Variants in JAK1 observed in about 807,000 individuals in gnomAD.
The protein encoded by JAK1 is Janus kinase 1.
In JAK1, 16 loss-of-function variants were observed where a neutral mutation model predicts 136.6. The observed-to-expected ratio is 0.12, with a 90% CI of 0.08 to 0.18. The LOEUF is 0.18. Ranked by LOEUF, JAK1 falls within the 10% of genes least tolerant of loss-of-function variation. The pLI is 1.00. For synonymous variants in JAK1, 492 were observed against 519.5 expected, an observed-to-expected ratio of 0.95 and a Z score of 0.72; for missense variants, 859 against 1,450.1, an observed-to-expected ratio of 0.59 and a Z score of 6.62.
intron 5 of JAK1, 84 bp downstream of exon 5, chr1:64,873,286 G>A (rs1657185311): frequency 4.6e-6 from 7 of 1,531,682 alleles, no homozygotes; most frequent in South Asian, 1.2e-5. Flanking sequence ...GCACCACCAA[G>A]TTCAGCTGCA....
At chr1:64,879,252 A>G (rs1644731858) in intron 3 of JAK1, 104 bp from the exon 4 acceptor site, 3 of 1,371,400 alleles carry the variant, frequency 2.2e-6, no homozygotes, top group Non-Finnish European at 3.0e-6. Context: ...CTCATCCACA[A>G]AGAATCTGGG....
intron 1 of JAK1, among the ~76,000 whole-genome samples, chr1:64,913,142 G>A (rs1163992382): frequency 1.3e-5 from 2 of 152,040 alleles, no homozygotes; most frequent in Non-Finnish European, 2.9e-5. Context: ...CCACCTCAAC[G>A]TCCAGAATAG....
At position 64,845,578 on chromosome 1, in the gene JAK1, C is replaced by T. The variant is rs1655177707; in HGVS notation, c.2050G>A (p.Asp684Asn). ...AATTTCCATGGTGTGGTAAGGACAT[C>T]GCTTTTCCGGTGCATGAAGAGATCC... is the stretch of plus-strand genomic sequence containing the variant. Reference protein sequence around the residue: ...PLDLFMHRKSDVLTTPWKFKV... With the variant: ...PLDLFMHRKSNVLTTPWKFKV... The change falls in exon 15 of 25, where the codon GAT becomes AAT. Residue 684 changes from aspartate to asparagine, a missense_variant. Asp to Asn is a conservative substitution (Grantham distance 23). Transcript: ENST00000342505. The T allele has an allele frequency of 1.9e-6, 3 of 1,614,134 alleles. No individual in the cohort carries two copies. Among genetic ancestry groups the T allele is most frequent in the Non-Finnish European group, 2.5e-6 (3 of 1,180,004 alleles).
chr1:65,053,946 C>T (rs1419831472), intron 1 of JAK1, among the ~76,000 whole-genome samples: 3 of 152,196 alleles, frequency 2.0e-5, no homozygotes, highest in African/African-American at 7.2e-5. Context: ...GCAAGAACAA[C>T]AGCTAGCTGT....
chr1:64,879,277 T>C, intron 3 of JAK1, 129 bp from the exon 4 acceptor site: 2 of 1,078,692 alleles, frequency 1.9e-6, no homozygotes, highest in Non-Finnish European at 2.6e-6. Context: ...TCATATCCTC[T>C]TAGGGCAAAC....
At chr1:65,041,801 G>A (rs559564700) in intron 2 of JAK1, among the ~76,000 whole-genome samples, 1 of 152,354 alleles carries the variant, frequency 6.6e-6, no homozygotes, top group East Asian at 1.9e-4. Context: ...CACTTTGGGA[G>A]GCCAAGGTGG....
chr1:64,848,908 C>T (rs1246319865), intron 12 of JAK1, among the ~76,000 whole-genome samples: 1 of 152,238 alleles, frequency 6.6e-6, no homozygotes, highest in Non-Finnish European at 1.5e-5. Context: ...AATGGCGATG[C>T]ATCCACCCTG....
intron 1 of JAK1, among the ~76,000 whole-genome samples, chr1:64,904,540 C>A (rs947331038): frequency 2.6e-5 from 4 of 152,076 alleles, no homozygotes; most frequent in African/African-American, 9.7e-5. Flanking sequence ...ATCATCAGAC[C>A]AAGGCACTTC....
chr1:64,970,035 C>T (rs924936626), upstream of JAK1, among the ~76,000 whole-genome samples: 3 of 144,124 alleles, frequency 2.1e-5, no homozygotes, highest in East Asian at 2.1e-4. Flanking sequence ...ACTCAGGAGT[C>T]GAGGTGGAAG....
intron 2 of JAK1, among the ~76,000 whole-genome samples, chr1:65,038,616 A>T (rs1647099227): frequency 6.6e-6 from 1 of 152,030 alleles, no homozygotes; most frequent in Non-Finnish European, 1.5e-5. Context: ...CTTTTATGTC[A>T]AACCTCCCCA....
At chr1:64,838,873 C>T (rs548809506) in intron 20 of JAK1, among the ~76,000 whole-genome samples, 55 of 152,152 alleles carry the variant, frequency 3.6e-4, no homozygotes, top group South Asian at 8.3e-4. Flanking sequence ...GGGCTGGGCG[C>T]GGTGGCTCAC....
chr1:65,017,276 C>T (rs1291827628), intron 2 of JAK1, among the ~76,000 whole-genome samples: 1 of 152,088 alleles, frequency 6.6e-6, no homozygotes, highest in Non-Finnish European at 1.5e-5. Flanking sequence ...TGAGACCAGC[C>T]TAGCCAACAT....
In JAK1 at chr1:64,984,012, C is replaced by T. The variant is rs79264695; in HGVS notation, c.-78+60468G>A. Among the ~76,000 whole-genome samples, 143 of 152,232 alleles carry T rather than the reference C, an allele frequency of 9.4e-4. 3 individuals carry two copies. In the Middle Eastern group the frequency reaches 0.01, roughly 11 times the overall value. ...TAAATTCTCCTTATTGCACCTTAAC[C>T]GCTCCAGCATCAAATCTTCTACTCT... On this transcript the variant is annotated intron_variant, in intron 2 of 25. Transcript: ENST00000671954. This position sits in a 1 kb window ranked among gnomAD's most constrained non-coding sequence, Gnocchi z 4.1.
At chr1:65,018,925 G>C (rs981955684) in intron 2 of JAK1, among the ~76,000 whole-genome samples, 3 of 152,054 alleles carry the variant, frequency 2.0e-5, no homozygotes, top group Admixed American at 6.6e-5. Context: ...GCAGGAGAAC[G>C]GGGTGAACCC....
Position 65,040,323 on chromosome 1 carries a change from C to A in JAK1, c.-78+4157G>T, listed in dbSNP as rs114480598. 8.0e-3 allele frequency among the ~76,000 whole-genome samples: 1,221 copies of A among 152,206 alleles called. 13 individuals carry two copies. Among genetic ancestry groups the A allele is most frequent in the African/African-American group, 0.028 (1,150 of 41,540 alleles). On this transcript the variant is annotated intron_variant, in intron 2 of 25. Coordinates refer to the JAK1 transcript ENST00000671954. ...CTCTGGAAAGAATCTGTTCCTTGACCTTTCTATCGTCTAGAGGCCACCTGC... is the reference window on the plus strand; with the variant it reads ...CTCTGGAAAGAATCTGTTCCTTGACATTTCTATCGTCTAGAGGCCACCTGC...
intron 1 of JAK1, among the ~76,000 whole-genome samples, chr1:65,053,053 A>AAAAG (rs1647361687): frequency 1.5e-5 from 2 of 133,716 alleles, no homozygotes; most frequent in African/African-American, 5.7e-5. Flanking sequence ...AAAAAAAAAA[A>AAAAG]AAAGACTAGA....
intron 2 of JAK1, among the ~76,000 whole-genome samples, chr1:65,009,423 TTATGAC>T (rs1646831196): frequency 6.6e-6 from 1 of 152,214 alleles, no homozygotes; most frequent in Admixed American, 6.6e-5. Context: ...CATTTACATT[TTATGAC>T]ATATGTTACA....
chr1:64,985,801 G>A (rs1646593260), intron 2 of JAK1: 2 of 633,316 alleles, frequency 3.2e-6, no homozygotes, highest in Admixed American at 2.5e-5. Context: ...GCAGCCAACA[G>A]GTTGACAGTA....
At chr1:65,055,571 T>A (rs749752298) in intron 1 of JAK1, among the ~76,000 whole-genome samples, 2 of 152,200 alleles carry the variant, frequency 1.3e-5, no homozygotes, top group Non-Finnish European at 2.9e-5. Context: ...TCTTACCATC[T>A]CACATACTTC....
Sources: gnomAD v4.1 joint callset for allele counts (sites outside exome capture counted in the v4.1 genomes callset) on GRCh38, gnomAD v4.1.1 for gene constraint, Gnocchi (gnomAD v3.1) non-coding constraint, MANE v1.5 for transcripts, NCBI Gene and HGNC (gene_info 2026-07-23, HGNC 2026-07-21) for gene names.